GPC6: variants seen among roughly 807,000 people sequenced by gnomAD.
GPC6 encodes glypican 6.
GPC6 carries 14 observed loss-of-function variants against 55.2 expected under a neutral mutation model. That is an observed-to-expected ratio of 0.25 (90% confidence interval 0.17 to 0.40). The LOEUF (loss-of-function observed/expected upper bound fraction) is 0.40. Among genes scored for constraint, GPC6 ranks in the 10% least tolerant of loss-of-function variants. GPC6 has a pLI of 1.00. For missense variants in GPC6, 641 were observed against 708.5 expected (o/e 0.90, Z 1.08); for synonymous variants, 278 against 259.6 (o/e 1.07, Z -0.68).
chr13:94,343,181 T>G (rs1878125794), intron 6 of GPC6, among the ~76,000 whole-genome samples: 1 of 152,106 alleles, frequency 6.6e-6, no homozygotes, highest in African/African-American at 2.4e-5. Flanking sequence ...GTCATTTTGG[T>G]TTTTATTGAT....
intron 4 of GPC6, among the ~76,000 whole-genome samples, chr13:94,199,974 T>C (rs967707091): frequency 1.3e-5 from 2 of 152,118 alleles, no homozygotes; most frequent in Non-Finnish European, 2.9e-5. Context: ...CTGACCAATA[T>C]GGTGAAACCC....
At chr13:94,350,643 T>TA (rs1229745387) in intron 6 of GPC6, among the ~76,000 whole-genome samples, 2 of 152,184 alleles carry the variant, frequency 1.3e-5, no homozygotes, top group Non-Finnish European at 2.9e-5. Flanking sequence ...TATAATATGA[T>TA]ACTCATAATA....
intron 2 of GPC6, among the ~76,000 whole-genome samples, chr13:93,547,194 AAAT>A (rs1278032979): frequency 7.8e-5 from 6 of 76,628 alleles, no homozygotes; most frequent in Admixed American, 1.5e-4. Context: ...AAAAAAAAAA[AAAT>A]TAGCTGGGCG....
At chr13:93,359,114 G>A (rs1388295158) in intron 1 of GPC6, among the ~76,000 whole-genome samples, 2 of 151,372 alleles carry the variant, frequency 1.3e-5, no homozygotes, top group East Asian at 1.9e-4. Flanking sequence ...CTACAGATGC[G>A]TGCCACCATG....
chr13:93,962,302 G>C (rs1879815464), intron 3 of GPC6, among the ~76,000 whole-genome samples: 1 of 152,016 alleles, frequency 6.6e-6, no homozygotes, highest in Admixed American at 6.6e-5. Context: ...ATTTGATAAG[G>C]TTCTTTTGTT....
intron 1 of GPC6, among the ~76,000 whole-genome samples, chr13:93,273,976 T>G (rs1877640369): frequency 6.6e-6 from 1 of 151,566 alleles, no homozygotes; most frequent in East Asian, 2.0e-4. Context: ...CCCAGCTAAT[T>G]TTTGTATTTT....
intron 1 of GPC6, among the ~76,000 whole-genome samples, chr13:93,319,074 A>G (rs1001999453): frequency 6.6e-6 from 1 of 152,122 alleles, no homozygotes; most frequent in Non-Finnish European, 1.5e-5. Context: ...GCACTGGCAG[A>G]CTGGCCTATA....
At chr13:93,774,025 C>T (rs1007344240) in intron 2 of GPC6, among the ~76,000 whole-genome samples, 15 of 152,152 alleles carry the variant, frequency 9.9e-5, no homozygotes, top group African/African-American at 3.6e-4. Context: ...CTCATGCCTC[C>T]AATGGAACCA....
rs138507505 is a variant in GPC6, at chr13:94,251,804, C to G, written c.878-34545C>G. On this transcript the variant is annotated intron_variant, in intron 4 of 8. Coordinates refer to ENST00000377047, the MANE Select transcript of GPC6 (RefSeq NM_005708.5). ...GGGATGCTATCTTTTTTTTTCACCACCAATTGTCTCATGGATGTACGTTTA... is the reference window on the plus strand; with the variant it reads ...GGGATGCTATCTTTTTTTTTCACCAGCAATTGTCTCATGGATGTACGTTTA... 3.4e-3 allele frequency among the ~76,000 whole-genome samples: 510 copies of G among 150,746 alleles called. 1 individual carries two copies. The highest frequency in any genetic ancestry group is 9.9e-3 in the African/African-American group (409 of 41,180).
At chr13:93,629,432 G>T (rs563193883) in intron 2 of GPC6, among the ~76,000 whole-genome samples, 4 of 151,952 alleles carry the variant, frequency 2.6e-5, no homozygotes, top group African/African-American at 7.3e-5. Context: ...TTATTCAGAG[G>T]ATACTCAGAC....
chr13:94,362,774 A>G (rs1005514722), intron 6 of GPC6, among the ~76,000 whole-genome samples: 3 of 152,226 alleles, frequency 2.0e-5, no homozygotes, highest in Non-Finnish European at 2.9e-5. Flanking sequence ...CAGTAAATCA[A>G]TAATAAACTC....
At chr13:93,728,015 A>G (rs912477195) in intron 2 of GPC6, among the ~76,000 whole-genome samples, 1 of 151,910 alleles carries the variant, frequency 6.6e-6, no homozygotes, top group African/African-American at 2.4e-5. Context: ...ACTCCCATCA[A>G]CACCTTGCTG....
intron 1 of GPC6, among the ~76,000 whole-genome samples, chr13:93,466,830 T>C (rs556771455): frequency 6.6e-6 from 1 of 152,296 alleles, no homozygotes; most frequent in African/African-American, 2.4e-5. Context: ...TAACAGTAAA[T>C]TTGCTGTCTC....
At chr13:93,777,825 A>G (rs1885518338) in intron 2 of GPC6, among the ~76,000 whole-genome samples, 1 of 152,104 alleles carries the variant, frequency 6.6e-6, no homozygotes, top group South Asian at 2.1e-4. Flanking sequence ...GTCTATTTGT[A>G]TATGTATTTC....
At chr13:93,432,121 T>C (rs1331346477) in intron 1 of GPC6, among the ~76,000 whole-genome samples, 29 of 152,142 alleles carry the variant, frequency 1.9e-4, no homozygotes, top group Admixed American at 1.9e-3. Context: ...CAGAAGTTGT[T>C]TTTCCTAATG....
intron 1 of GPC6, among the ~76,000 whole-genome samples, chr13:93,391,853 C>CT (rs1410212931): frequency 6.6e-6 from 1 of 152,006 alleles, no homozygotes; most frequent in African/African-American, 2.4e-5. Context: ...ATATATTTTG[C>CT]TTTTTTCCTA....
chr13:94,118,673 T>C (rs559159129), intron 4 of GPC6, among the ~76,000 whole-genome samples: 16 of 152,134 alleles, frequency 1.1e-4, no homozygotes, highest in Non-Finnish European at 1.9e-4. Context: ...TTCTATTGCT[T>C]TTTGAAGTTT....
At chr13:93,448,161 C>G (rs1878082101) in intron 1 of GPC6, among the ~76,000 whole-genome samples, 1 of 152,102 alleles carries the variant, frequency 6.6e-6, no homozygotes, top group Non-Finnish European at 1.5e-5. Context: ...CAGACATGTG[C>G]TTCATAATGA....
intron 1 of GPC6, among the ~76,000 whole-genome samples, chr13:93,373,708 C>T (rs181816279): frequency 4.9e-4 from 74 of 152,190 alleles, no homozygotes; most frequent in African/African-American, 1.7e-3. Context: ...ATAGTATTAA[C>T]TAAACAAATT....
Sources: gnomAD v4.1 joint callset for allele counts (sites outside exome capture counted in the v4.1 genomes callset) on GRCh38, gnomAD v4.1.1 for gene constraint, MANE v1.5 for transcripts, NCBI Gene and HGNC (gene_info 2026-07-23, HGNC 2026-07-21) for gene names.